DLGAP1: variants seen among roughly 807,000 people sequenced by gnomAD.
The protein encoded by DLGAP1 is DLG associated protein 1.
Under a neutral mutation model 90.8 loss-of-function variants are expected in DLGAP1, and 11 were observed. That is an observed-to-expected ratio of 0.12 (90% CI 0.08 to 0.20). The LOEUF (loss-of-function observed/expected upper bound fraction) is 0.20, where lower values mean the gene tolerates loss of function less well. Among genes scored for constraint, DLGAP1 ranks in the 10% least tolerant of loss-of-function variants. The pLI is 1.00. For missense variants in DLGAP1, 1,050 were observed against 1,333.8 expected (o/e 0.79, Z 3.31); for synonymous variants, 558 against 540.7 (o/e 1.03, Z -0.44).
chr18:3,718,988 A>C (rs2061867854), intron 7 of DLGAP1, among the ~76,000 whole-genome samples: 1 of 152,110 alleles, frequency 6.6e-6, no homozygotes, highest in Non-Finnish European at 1.5e-5. Flanking sequence ...AATTTGGGAA[A>C]AAAATACAAG....
intron 1 of DLGAP1, among the ~76,000 whole-genome samples, chr18:4,187,158 A>C (rs2077310268): frequency 6.6e-6 from 1 of 152,298 alleles, no homozygotes; most frequent in East Asian, 1.9e-4. Context: ...TTGGGTCAAA[A>C]GTATGAAGTT....
chr18:3,597,127 A>G (rs2145649770), intron 7 of DLGAP1: 1 of 519,268 alleles, frequency 1.9e-6, no homozygotes, highest in Admixed American at 1.9e-5. Context: ...CAAAACTAGG[A>G]ACTTTGTTAT....
At chr18:4,121,084 T>C (rs1318608530) in intron 2 of DLGAP1, among the ~76,000 whole-genome samples, 2 of 152,098 alleles carry the variant, frequency 1.3e-5, no homozygotes, top group African/African-American at 4.8e-5. Context: ...ACAGAACTTG[T>C]CTAGAGTGGG....
chr18:3,674,996 A>G (rs1251000767), intron 7 of DLGAP1, among the ~76,000 whole-genome samples: 1 of 150,544 alleles, frequency 6.6e-6, no homozygotes, highest in Non-Finnish European at 1.5e-5. Flanking sequence ...CACCTCCACT[A>G]TCAGTACCGA....
intron 1 of DLGAP1, among the ~76,000 whole-genome samples, chr18:4,183,904 G>GT (rs1305885166): frequency 4.6e-5 from 7 of 152,160 alleles, no homozygotes; most frequent in Non-Finnish European, 8.8e-5. Flanking sequence ...AGCTTTCCCA[G>GT]TAAAAAGACA....
chr18:3,549,474 A>C (rs2053253240), intron 9 of DLGAP1, among the ~76,000 whole-genome samples: 1 of 152,076 alleles, frequency 6.6e-6, no homozygotes. Context: ...CTGGGATTAC[A>C]GGCACGTGTC....
chr18:4,348,358 T>C (rs1383631973), intron 1 of DLGAP1, among the ~76,000 whole-genome samples: 2 of 150,242 alleles, frequency 1.3e-5, no homozygotes, highest in Non-Finnish European at 3.0e-5. Context: ...ATGAACCCTG[T>C]GATGCTGGAC....
intron 7 of DLGAP1, among the ~76,000 whole-genome samples, chr18:3,674,296 A>ATATATATGTATATAT (rs1555623972): frequency 7.8e-6 from 1 of 128,992 alleles, no homozygotes; most frequent in Non-Finnish European, 1.6e-5. Flanking sequence ...ATAATATTAA[A>ATATATATGTATATAT]ATATATATAT....
chr18:4,339,491 T>C (rs2081143839), intron 1 of DLGAP1, among the ~76,000 whole-genome samples: 2 of 152,074 alleles, frequency 1.3e-5, no homozygotes, highest in South Asian at 2.1e-4. Flanking sequence ...TAAAATAAAA[T>C]AGAATTAAAT....
chr18:3,904,451 CCTTAAGCCTGGG>C lies in DLGAP1; in HGVS notation c.-72-24323_-72-24312del, dbSNP rs146329889. ...AAGTTGGGTTTATTCTTATGGGAGT[CCTTAAGCCTGGG>C]GTTAAGCCAAGACAAAATGTAACCC... On this transcript the variant is annotated intron_variant, in intron 3 of 12. Coordinates refer to ENST00000315677, the MANE Select transcript of DLGAP1 (RefSeq NM_004746.4). Among the ~76,000 whole-genome samples, 533 of 152,286 alleles carry C rather than the reference CCTTAAGCCTGGG, an allele frequency of 3.5e-3. 6 individuals are homozygous for C. Among genetic ancestry groups the C allele is most frequent in the South Asian group, 0.027 (132 of 4,824 alleles).
chr18:3,691,713 A>G (rs2060903581), intron 7 of DLGAP1, among the ~76,000 whole-genome samples: 1 of 152,158 alleles, frequency 6.6e-6, no homozygotes, highest in Admixed American at 6.5e-5. Context: ...GAAGCTCAAG[A>G]ACAGCCTGGG....
rs1599127048 is a variant in DLGAP1 at position 3,539,599 on chromosome 18, T to C, written c.2058-4984A>G. 2.0e-5 allele frequency among the ~76,000 whole-genome samples: 3 copies of C among 152,374 alleles called. No individual in the cohort carries two copies. In the South Asian group the frequency reaches 6.2e-4, roughly 32 times the overall value. On this transcript the variant is annotated intron_variant, in intron 9 of 12. Transcript: ENST00000315677. ...TTATATTTCTAACTAGAGGAGTTTC[T>C]ACCCTCTCCCACTTCCTACAACTTT... is the stretch of plus-strand genomic sequence containing the variant.
At chr18:3,961,909 A>G (rs1427505858) in intron 3 of DLGAP1, among the ~76,000 whole-genome samples, 1 of 152,222 alleles carries the variant, frequency 6.6e-6, no homozygotes, top group African/African-American at 2.4e-5. Flanking sequence ...TGGGTTGCTC[A>G]GGTTTCAGGG....
rs192886538 is a variant in DLGAP1, at chr18:4,371,634, C to T, written c.-267+83372G>A. Among the ~76,000 whole-genome samples, 138 of 152,230 alleles carry T rather than the reference C, an allele frequency of 9.1e-4. 3 individuals carry two copies. Among genetic ancestry groups the T allele is most frequent in the South Asian group, 2.3e-3 (11 of 4,826 alleles). ...TTAATCATTGCCTATTCAAATTGGG[C>T]TTTATGTATCTAAGTCTATTAGGAA... On this transcript the variant is annotated intron_variant, in intron 1 of 12. Transcript: ENST00000315677.
chr18:3,661,999 A>G (rs991933155), intron 7 of DLGAP1, among the ~76,000 whole-genome samples: 1 of 152,136 alleles, frequency 6.6e-6, no homozygotes, highest in Non-Finnish European at 1.5e-5. Flanking sequence ...TAACATTATC[A>G]CTTGTAGTAA....
At chr18:3,895,167 C>A (rs143787178) in intron 3 of DLGAP1, among the ~76,000 whole-genome samples, 2 of 152,114 alleles carry the variant, frequency 1.3e-5, no homozygotes, top group East Asian at 3.9e-4. Context: ...AGTGCGTGCT[C>A]CACCAGCTTG....
At chr18:3,626,430 C>T (rs779205421) in intron 7 of DLGAP1, among the ~76,000 whole-genome samples, 3 of 151,156 alleles carry the variant, frequency 2.0e-5, no homozygotes, top group African/African-American at 7.3e-5. Context: ...TCAGTCTCTA[C>T]AAAAAATACA....
rs575620002 is a variant in DLGAP1 at position 3,943,488 on chromosome 18, C to T, written c.-73+61628G>A. ...TTTTTTTCTGGCATGAGGAAAAGAA[C>T]ATCACTGCTAGGAAATGGTCTGGGC... On this transcript the variant is annotated intron_variant, in intron 3 of 12. Coordinates refer to ENST00000315677, the MANE Select transcript of DLGAP1 (RefSeq NM_004746.4). 3.6e-5 allele frequency among the ~76,000 whole-genome samples: 4 copies of T among 112,588 alleles called. No homozygotes were observed. The South Asian group carries it at 1.3e-3, about 36-fold the overall frequency. The allele number at this position is 112,588 out of a possible 152,430, so 73.9% of individuals were successfully genotyped here.
At chr18:4,228,594 C>T (rs1394293728) in intron 1 of DLGAP1, among the ~76,000 whole-genome samples, 1 of 151,958 alleles carries the variant, frequency 6.6e-6, no homozygotes, top group Admixed American at 6.6e-5. Flanking sequence ...ACCATGTGAT[C>T]ATTTCAACTG....
Sources: gnomAD v4.1 joint callset for allele counts (sites outside exome capture counted in the v4.1 genomes callset) on GRCh38, gnomAD v4.1.1 for gene constraint, MANE v1.5 for transcripts, NCBI Gene and HGNC (gene_info 2026-07-23, HGNC 2026-07-21) for gene names.